The following MTHFD1L variants were observed in gnomAD, a reference collection of about 807,000 sequenced individuals.
MTHFD1L encodes methylenetetrahydrofolate dehydrogenase (NADP+ dependent) 1 like, also known as monofunctional C1-tetrahydrofolate synthase, mitochondrial.
A neutral mutation model predicts 119.5 loss-of-function variants in MTHFD1L; 81 were observed. The ratio of observed to expected loss-of-function variants is 0.68; its 90% CI spans 0.57 to 0.82. The LOEUF (loss-of-function observed/expected upper bound fraction) is 0.82, where lower values mean the gene tolerates loss of function less well. Ranked by LOEUF, MTHFD1L falls within the 40% of genes least tolerant of loss-of-function variation. The pLI, the probability that MTHFD1L is intolerant of heterozygous loss-of-function variation, is 0.00. For missense variants in MTHFD1L, 1,125 were observed against 1,253.4 expected, an observed-to-expected ratio of 0.90 and a Z score of 1.55; for synonymous variants, 430 against 475.2, an observed-to-expected ratio of 0.90 and a Z score of 1.24.
intron 9 of MTHFD1L, among the ~76,000 whole-genome samples, chr6:150,919,077 C>A (rs1788462503): frequency 6.6e-6 from 1 of 151,090 alleles, no homozygotes; most frequent in Non-Finnish European, 1.5e-5. Context: ...GCAGGAGGAT[C>A]GCTTGAACCC....
intron 27 of MTHFD1L, among the ~76,000 whole-genome samples, chr6:151,092,963 C>T (rs1367355237): frequency 2.0e-5 from 3 of 152,228 alleles, no homozygotes; most frequent in Non-Finnish European, 4.4e-5. Context: ...TTCCTACCTT[C>T]CTGCCACGTA....
chr6:151,001,899 A>G (rs117790084), intron 20 of MTHFD1L, among the ~76,000 whole-genome samples: 4,348 of 152,274 alleles, frequency 0.029, 208 homozygotes, highest in Admixed American at 0.14. Context: ...GAATTGCTCT[A>G]AAAGAGACAA....
intron 20 of MTHFD1L, among the ~76,000 whole-genome samples, chr6:150,997,723 C>T (rs932129314): frequency 2.6e-5 from 4 of 152,092 alleles, no homozygotes; most frequent in African/African-American, 9.7e-5. Context: ...CCCTGGAGAT[C>T]AAGGCTGAAG....
At chr6:151,012,883 C>T (rs1476901394) in intron 21 of MTHFD1L, among the ~76,000 whole-genome samples, 1 of 152,144 alleles carries the variant, frequency 6.6e-6, no homozygotes, top group East Asian at 1.9e-4. Flanking sequence ...CTCCTGCTCT[C>T]AGGGGAGGCC....
At chr6:150,897,011 G>A (rs1035108880) in intron 7 of MTHFD1L, among the ~76,000 whole-genome samples, 2 of 152,054 alleles carry the variant, frequency 1.3e-5, no homozygotes, top group African/African-American at 4.8e-5. Context: ...CTGCTACTCG[G>A]GAGGCTGAGG....
rs140953647 is a variant in MTHFD1L, at chr6:150,892,884, T to C, written c.780+4903T>C. Reference sequence around the variant, plus strand: ...AGCCTTCCTTGGAGTCGTGGTAATATGGAGACATGGTAATATGTGGATTGT... The same window carrying C: ...AGCCTTCCTTGGAGTCGTGGTAATACGGAGACATGGTAATATGTGGATTGT... On this transcript the variant is annotated intron_variant, in intron 7 of 27. Transcript: ENST00000367321. Among the ~76,000 whole-genome samples, 66 of 152,276 alleles carry C rather than the reference T, an allele frequency of 4.3e-4. No individual in the cohort carries two copies. The East Asian group carries it at 0.012, about 28-fold the overall frequency.
chr6:151,058,882 G>A (rs1002174048), intron 26 of MTHFD1L, among the ~76,000 whole-genome samples: 5 of 152,130 alleles, frequency 3.3e-5, no homozygotes, highest in Non-Finnish European at 7.3e-5. Context: ...TCACCATATT[G>A]GCCAGGCTGG....
chr6:150,907,290 T>G lies in MTHFD1L; in HGVS notation c.892+1529T>G, dbSNP rs140366095. Among the ~76,000 whole-genome samples, 226 of 152,328 alleles carry G rather than the reference T, an allele frequency of 1.5e-3. 1 individual carries two copies. The Middle Eastern group carries it at 0.037, about 25-fold the overall frequency. On this transcript the variant is annotated intron_variant, in intron 8 of 27. Coordinates refer to ENST00000367321, the MANE Select transcript of MTHFD1L (RefSeq NM_015440.5). ...TATTTTGTTAGTGAAAGTGCTTTAT[T>G]TTTAATAAGGTTTCCTTTTAGGACC...
At chr6:151,072,104 C>T (rs1792010693) in intron 26 of MTHFD1L, among the ~76,000 whole-genome samples, 1 of 152,098 alleles carries the variant, frequency 6.6e-6, no homozygotes, top group Non-Finnish European at 1.5e-5. Flanking sequence ...GCTGAGAGTA[C>T]AGGCGTGAGC....
At chr6:150,965,908 A>C (rs1009486656) in intron 19 of MTHFD1L, among the ~76,000 whole-genome samples, 5 of 152,184 alleles carry the variant, frequency 3.3e-5, no homozygotes, top group African/African-American at 1.2e-4. Flanking sequence ...GGTCTGGAGA[A>C]GAAAAATCAG....
At chr6:150,904,102 G>A (rs894403880) in intron 7 of MTHFD1L, among the ~76,000 whole-genome samples, 2 of 152,158 alleles carry the variant, frequency 1.3e-5, no homozygotes, top group African/African-American at 4.8e-5. Context: ...GGCATCACCT[G>A]ATGCACCCTT....
At chr6:151,003,699 A>G (rs777846301) in intron 20 of MTHFD1L, among the ~76,000 whole-genome samples, 3 of 152,230 alleles carry the variant, frequency 2.0e-5, no homozygotes, top group Non-Finnish European at 4.4e-5. Context: ...GACACTAGGC[A>G]CAATCGTAGG....
In MTHFD1L at chr6:150,871,044, C is replaced by A. The variant is rs1286394460; in HGVS notation, c.227+4995C>A. On this transcript the variant is annotated intron_variant, in intron 1 of 27. Coordinates refer to ENST00000367321, the MANE Select transcript of MTHFD1L (RefSeq NM_015440.5). ...TATATACCTTAATTTATATATATAC[C>A]TTATAATATATATACCTTAATATAT... Among the ~76,000 whole-genome samples, 7 of 137,352 alleles carry A rather than the reference C, an allele frequency of 5.1e-5. No individual in the cohort carries two copies. In the East Asian group the frequency reaches 1.0e-3, roughly 20 times the overall value. The allele number at this position is 137,352 out of a possible 152,430, so 90.1% of individuals were successfully genotyped here.
Position 150,882,846 on chromosome 6 carries a change from A to G in MTHFD1L, c.502A>G (p.Lys168Glu), listed in dbSNP as rs764389984. 1.9e-6 allele frequency: 3 copies of G among 1,581,034 alleles called. No homozygotes were observed. Among genetic ancestry groups the G allele is most frequent in the Middle Eastern group, 1.7e-4 (1 of 5,978 alleles). ...GATCTCTGAGAACTTGTTTAGCAAC[A>G]AAGTCCTCAATGCCTTGAAACCAGA... Reference protein sequence around the residue: ...LQISENLFSNKVLNALKPEKD... With the variant: ...LQISENLFSNEVLNALKPEKD... Residue 168 changes from lysine (K) to glutamate (E), a missense_variant, in exon 5 of 28, where the codon AAA becomes GAA. Transcript: ENST00000367321.
intron 26 of MTHFD1L, among the ~76,000 whole-genome samples, chr6:151,091,896 T>C (rs1794478312): frequency 6.6e-6 from 1 of 152,222 alleles, no homozygotes; most frequent in Non-Finnish European, 1.5e-5. Context: ...TAAAAGTTCC[T>C]ACCTGCTATA....
At chr6:150,956,162 C>A (rs1205403733) in intron 17 of MTHFD1L, 91 bp downstream of exon 17, 5 of 1,317,436 alleles carry the variant, frequency 3.8e-6, no homozygotes, top group Non-Finnish European at 1.1e-6. Flanking sequence ...TTGTCTCATC[C>A]CCAACCTGTT....
At chr6:150,912,365 C>T (rs1323417615) in intron 8 of MTHFD1L, among the ~76,000 whole-genome samples, 1 of 151,658 alleles carries the variant, frequency 6.6e-6, no homozygotes, top group African/African-American at 2.4e-5. Flanking sequence ...ATTTTAAAAC[C>T]TCGCATACAT....
chr6:150,944,213 G>A (rs1216267815), intron 13 of MTHFD1L, among the ~76,000 whole-genome samples: 1 of 152,180 alleles, frequency 6.6e-6, no homozygotes, highest in African/African-American at 2.4e-5. Context: ...ATAGGAAGAT[G>A]TCTTAGCCGA....
At chr6:151,001,836 T>C (rs1362873602) in intron 20 of MTHFD1L, among the ~76,000 whole-genome samples, 1 of 152,214 alleles carries the variant, frequency 6.6e-6, no homozygotes, top group African/African-American at 2.4e-5. Flanking sequence ...AACTCATCAC[T>C]GTTGACACAT....
Sources: gnomAD v4.1 joint callset for allele counts (sites outside exome capture counted in the v4.1 genomes callset) on GRCh38, gnomAD v4.1.1 for gene constraint, MANE v1.5 for transcripts, NCBI Gene and HGNC (gene_info 2026-07-23, HGNC 2026-07-21) for gene names.